The following FCHO1 variants were observed in gnomAD, a reference collection of about 807,000 sequenced individuals.
The protein encoded by FCHO1 is F-BAR domain only protein 1.
A neutral mutation model predicts 114.4 loss-of-function variants in FCHO1; 45 were observed. That is an observed-to-expected ratio of 0.39 (90% CI 0.31 to 0.50). The LOEUF (loss-of-function observed/expected upper bound fraction) is 0.50, where lower values mean the gene tolerates loss of function less well. Ranked by LOEUF, FCHO1 falls within the 20% of genes least tolerant of loss-of-function variation. FCHO1 has a pLI of 0.77. For missense variants in FCHO1, 1,042 were observed against 1,209.6 expected (o/e 0.86, Z 2.06); for synonymous variants, 480 against 488.9 (o/e 0.98, Z 0.24).
chr19:17,783,316 G>A, intron 24 of FCHO1, 144 bp downstream of exon 24: 2 of 868,648 alleles, frequency 2.3e-6, no homozygotes, highest in Non-Finnish European at 3.4e-6. Context: ...GCCCAGGCTG[G>A]AGTGCAATGG....
intron 27 of FCHO1, 136 bp downstream of exon 27, chr19:17,786,765 G>A: frequency 1.1e-6 from 1 of 937,776 alleles, no homozygotes; most frequent in Non-Finnish European, 1.6e-6. Context: ...TTAAAAGCTG[G>A]AGGAGGGCCG....
intron 7 of FCHO1, among the ~76,000 whole-genome samples, chr19:17,767,443 G>A (rs1344059847): frequency 1.3e-5 from 2 of 149,822 alleles, no homozygotes; most frequent in Admixed American, 1.3e-4. Flanking sequence ...GGCACATGCC[G>A]GTAGTCCCAG....
chr19:17,756,794 C>G (rs2083713424), intron 4 of FCHO1, among the ~76,000 whole-genome samples: 1 of 152,170 alleles, frequency 6.6e-6, no homozygotes, highest in Non-Finnish European at 1.5e-5. Context: ...CAGGGATGCC[C>G]CAGTCTCATT....
At chr19:17,774,210 C>T (rs930647666) in intron 11 of FCHO1, 29 bp from the exon 12 acceptor site, 2 of 1,613,164 alleles carry the variant, frequency 1.2e-6, no homozygotes, top group Admixed American at 3.3e-5. Context: ...TGCCCAGCCC[C>T]TCAATTGAGT....
chr19:17,768,844 T>A (rs1230538381), intron 7 of FCHO1, among the ~76,000 whole-genome samples: 1 of 151,946 alleles, frequency 6.6e-6, no homozygotes, highest in African/African-American at 2.4e-5. Flanking sequence ...CAGGAGTGAA[T>A]TTTTAAGTGG....
In FCHO1 at chr19:17,762,649, A is replaced by G; in HGVS notation, c.28-113A>G. On this transcript the variant is annotated intron_variant, in intron 4 of 28. Transcript: ENST00000596536. ...AGCAAGCTGATTCGCTCAGGCCCGA[A>G]CAAGTCCCTACAGCCAAGGGGATGG... 3 of 807,158 alleles carry G rather than the reference A, an allele frequency of 3.7e-6. No individual in the cohort carries two copies. The Middle Eastern group carries it at 6.8e-4, about 183-fold the overall frequency. 50.0% of individuals were successfully genotyped at this position (807,158 alleles called of 1,614,324 possible). A position where few individuals can be genotyped will look rare whatever the true frequency, so the allele number is the denominator to read the frequency against.
chr19:17,788,412 GC>G lies in FCHO1; in HGVS notation c.*109del. 1.2e-6 allele frequency: 1 copy of G among 834,076 alleles called. No homozygotes were observed. Among genetic ancestry groups the G allele is most frequent in the Non-Finnish European group, 2.0e-6 (1 of 507,422 alleles). The allele number at this position is 834,076 out of a possible 1,614,324, so 51.7% of individuals were successfully genotyped here. On this transcript the variant is annotated 3_prime_UTR_variant, in exon 29 of 29. Transcript: ENST00000596536. ...GGCCTCCCACCCCAGCCTCCCTGAG[GC>G]CCATACTCCACGGAGAGGAGCCCCA...
At chr19:17,759,621 G>T (rs2085261226) in intron 4 of FCHO1, among the ~76,000 whole-genome samples, 2 of 152,126 alleles carry the variant, frequency 1.3e-5, no homozygotes, top group Admixed American at 6.6e-5. Flanking sequence ...CCAAGGGGTG[G>T]AGAGAAGCGG....
chr19:17,780,985 C>T (rs752505307), intron 20 of FCHO1, among the ~76,000 whole-genome samples: 2 of 152,246 alleles, frequency 1.3e-5, no homozygotes, highest in Non-Finnish European at 2.9e-5. Context: ...TGCTTGCTTG[C>T]ATACCCCCAG....
chr19:17,755,378 A>G, intron 4 of FCHO1, 187 bp downstream of exon 4: 1 of 582,030 alleles, frequency 1.7e-6, no homozygotes, highest in South Asian at 2.1e-5. Context: ...CACAGGCCTT[A>G]CAACCTTGGG....
chr19:17,753,082 C>CA (rs901302759), intron 1 of FCHO1, among the ~76,000 whole-genome samples: 206 of 136,954 alleles, frequency 1.5e-3, no homozygotes, highest in Non-Finnish European at 1.5e-3. Context: ...ACCCTGTCTC[C>CA]AAAAAAAAAA....
At position 17,788,382 on chromosome 19, in the gene FCHO1, C is replaced by A; in HGVS notation, c.*76C>A. The A allele has an allele frequency of 9.0e-7, 1 of 1,110,434 alleles. No individual in the cohort carries two copies. Among genetic ancestry groups the A allele is most frequent in the Non-Finnish European group, 1.4e-6 (1 of 740,672 alleles). 68.8% of individuals were successfully genotyped at this position (1,110,434 alleles called of 1,614,324 possible). A position where few individuals can be genotyped will look rare whatever the true frequency, so the allele number is the denominator to read the frequency against. The stretch of plus-strand genomic sequence containing the variant: ...ACCACCCCCTGCCCTCCTGCCGGAC[C>A]CTGGGGCCTCCCACCCCAGCCTCCC... On this transcript the variant is annotated 3_prime_UTR_variant, in exon 29 of 29. Transcript: ENST00000596536.
upstream of FCHO1, among the ~76,000 whole-genome samples, chr19:17,749,790 T>C (rs2081465622): frequency 1.3e-5 from 2 of 152,128 alleles, no homozygotes; most frequent in African/African-American, 4.8e-5. Context: ...AGGGGAGACA[T>C]GACATAGTGG....
intron 20 of FCHO1, among the ~76,000 whole-genome samples, chr19:17,780,518 C>T (rs1177006886): frequency 6.6e-6 from 1 of 152,088 alleles, no homozygotes; most frequent in Non-Finnish European, 1.5e-5. Flanking sequence ...GGGACATTGT[C>T]AGTGTCTGGA....
chr19:17,778,367 G>T, intron 19 of FCHO1, 139 bp downstream of exon 19: 1 of 788,922 alleles, frequency 1.3e-6, no homozygotes, highest in Non-Finnish European at 2.1e-6. Flanking sequence ...GGCGGGGCCA[G>T]AGTGCGCGTG....
chr19:17,775,439 C>T lies in FCHO1; in HGVS notation c.946-17C>T, dbSNP rs369688834. On this transcript the variant is annotated splice_polypyrimidine_tract_variant and intron_variant, in intron 14 of 28. Transcript: ENST00000596536. This position sits in a 1 kb window ranked among gnomAD's most constrained non-coding sequence, Gnocchi z 5.1. ...TAGTGGGGCGCCTGACTCACTGCTG[C>T]CCCCTGACTCCCCTAGACATGTCCA... The T allele has an allele frequency of 3.7e-6, 6 of 1,612,034 alleles. No individual in the cohort carries two copies. The highest frequency in any genetic ancestry group is 2.5e-6 in the Non-Finnish European group (3 of 1,178,484).
intron 6 of FCHO1, among the ~76,000 whole-genome samples, chr19:17,765,850 A>T (rs2088765652): frequency 7.6e-6 from 1 of 131,614 alleles, no homozygotes; most frequent in African/African-American, 2.9e-5. Flanking sequence ...GGCCAAATTG[A>T]CTCGATTGGG....
intron 7 of FCHO1, among the ~76,000 whole-genome samples, chr19:17,768,390 TG>T (rs1322096334): frequency 6.6e-6 from 1 of 151,974 alleles, no homozygotes. Flanking sequence ...TTAAATTTTT[TG>T]TATAGAAGGG....
In FCHO1 at chr19:17,781,987, CTTTTTTTTTTTTTTT is replaced by C. The variant is rs67498129; in HGVS notation, c.1937+182_1937+196del. 1.1e-3 allele frequency among the ~76,000 whole-genome samples: 142 copies of C among 125,978 alleles called. 2 individuals are homozygous for C. The highest frequency in any genetic ancestry group is 2.4e-3 in the African/African-American group (70 of 29,284). The allele number at this position is 125,978 out of a possible 152,430, so 82.6% of individuals were successfully genotyped here. A position where few individuals can be genotyped will look rare whatever the true frequency, so the allele number is the denominator to read the frequency against. On this transcript the variant is annotated intron_variant, in intron 23 of 28. Transcript: ENST00000596536. Reference sequence around the variant, plus strand: ...GAGGGCAGTGGAGCCATAGGAGGGCCTTTTTTTTTTTTTTTTTTTTTTTTTTTTTGAGACAGAGTT... The same window carrying C: ...GAGGGCAGTGGAGCCATAGGAGGGCCTTTTTTTTTTTTTTGAGACAGAGTT...
Sources: allele counts gnomAD v4.1 joint callset (sites outside exome capture counted in the v4.1 genomes callset), GRCh38; gene constraint gnomAD v4.1.1; non-coding constraint Gnocchi (gnomAD v3.1); transcripts MANE v1.5; gene names NCBI Gene and HGNC (gene_info 2026-07-23, HGNC 2026-07-21).